The following PCDH15 variants were observed in gnomAD, a reference collection of about 807,000 sequenced individuals.
PCDH15 encodes the protein protocadherin related 15.
In PCDH15, 129 loss-of-function variants were observed where a neutral mutation model predicts 178.5. The ratio of observed to expected loss-of-function variants is 0.72; its 90% CI spans 0.63 to 0.84. PCDH15 has a LOEUF of 0.84. Ranked by LOEUF, PCDH15 falls within the 40% of genes least tolerant of loss-of-function variation. The probability of loss-of-function intolerance (pLI) is 0.00; values close to 1 mark genes in which losing one functional copy is unlikely to be tolerated. For synonymous variants in PCDH15, 800 were observed against 732.0 expected, an observed-to-expected ratio of 1.09 and a Z score of -1.50; for missense variants, 2,230 against 2,099.9, an observed-to-expected ratio of 1.06 and a Z score of -1.21.
At chr10:53,861,823 G>A (rs956145748) in intron 27 of PCDH15, among the ~76,000 whole-genome samples, 1 of 151,868 alleles carries the variant, frequency 6.6e-6, no homozygotes, top group East Asian at 1.9e-4. Context: ...CTAGCATATT[G>A]GACAACCCAA....
At chr10:53,939,054 CTATT>C (rs2085826291) in intron 24 of PCDH15, 99 bp from the exon 25 acceptor site, 1 of 1,172,262 alleles carries the variant, frequency 8.5e-7, no homozygotes, top group African/African-American at 1.5e-5. Flanking sequence ...CTAAAAATGC[CTATT>C]TATAACTAGA....
chr10:55,269,597 T>C (rs1222186257), intron 1 of PCDH15, among the ~76,000 whole-genome samples: 3 of 151,888 alleles, frequency 2.0e-5, no homozygotes, highest in Admixed American at 6.6e-5. Flanking sequence ...TCTCTACAAG[T>C]AGAACTGCAA....
intron 14 of PCDH15, among the ~76,000 whole-genome samples, chr10:54,134,643 C>T (rs1422415116): frequency 6.6e-6 from 1 of 151,242 alleles, no homozygotes; most frequent in East Asian, 2.0e-4. Context: ...GTCCCAGCTA[C>T]TTGGGAGGCT....
intron 2 of PCDH15, among the ~76,000 whole-genome samples, chr10:54,950,465 C>T (rs945216422): frequency 6.6e-6 from 1 of 152,024 alleles, no homozygotes; most frequent in Non-Finnish European, 1.5e-5. Flanking sequence ...TTTCTCTGCA[C>T]AAGCTCTCAC....
chr10:54,098,592 G>T (rs1268633045), intron 15 of PCDH15, among the ~76,000 whole-genome samples: 2 of 152,052 alleles, frequency 1.3e-5, no homozygotes, highest in African/African-American at 2.4e-5. Flanking sequence ...ATAGTGTTTG[G>T]TTTGCCTAAA....
At chr10:54,632,697 TGAA>T (rs1057018352) in intron 2 of PCDH15, among the ~76,000 whole-genome samples, 19 of 152,126 alleles carry the variant, frequency 1.2e-4, no homozygotes, top group African/African-American at 3.1e-4. Flanking sequence ...TCTTCCATTC[TGAA>T]GAAGATCATA....
chr10:55,448,994 CTTTATA>C (rs1839376180), intron 2 of PCDH15, among the ~76,000 whole-genome samples: 1 of 151,930 alleles, frequency 6.6e-6, no homozygotes, highest in Non-Finnish European at 1.5e-5. Flanking sequence ...AAATCTCATA[CTTTATA>C]TTTAATCCCA....
intron 2 of PCDH15, among the ~76,000 whole-genome samples, chr10:55,453,599 G>T (rs1393383039): frequency 1.3e-5 from 2 of 152,046 alleles, no homozygotes; most frequent in East Asian, 3.9e-4. Flanking sequence ...GGGGGTTTCG[G>T]GGGGTCAACT....
chr10:54,934,978 G>A (rs1837869104), intron 2 of PCDH15, among the ~76,000 whole-genome samples: 1 of 150,342 alleles, frequency 6.7e-6, no homozygotes, highest in Non-Finnish European at 1.5e-5. Context: ...CTATCGCAAG[G>A]ACAAAAAAAC....
At chr10:53,843,973 T>C (rs1051681549) in intron 28 of PCDH15, among the ~76,000 whole-genome samples, 2 of 152,090 alleles carry the variant, frequency 1.3e-5, no homozygotes, top group African/African-American at 2.4e-5. Context: ...AGATCATGGA[T>C]TGATAAAATT....
At chr10:54,405,621 A>C (rs1264267853) in intron 3 of PCDH15, among the ~76,000 whole-genome samples, 1 of 151,876 alleles carries the variant, frequency 6.6e-6, no homozygotes, top group Admixed American at 6.6e-5. Context: ...TAATCTGTAC[A>C]ACCAACCCCC....
intron 32 of PCDH15, among the ~76,000 whole-genome samples, chr10:53,824,782 A>G (rs1341789019): frequency 1.3e-5 from 2 of 152,102 alleles, no homozygotes; most frequent in East Asian, 1.9e-4. Flanking sequence ...GGATATAACA[A>G]TATCACATCA....
At chr10:55,087,702 T>C (rs2132032367) in intron 2 of PCDH15, among the ~76,000 whole-genome samples, 1 of 152,232 alleles carries the variant, frequency 6.6e-6, no homozygotes, top group South Asian at 2.1e-4. Context: ...GAAAAGACAG[T>C]GTGAATTTTC....
intron 3 of PCDH15, among the ~76,000 whole-genome samples, chr10:54,485,277 A>G (rs1237131049): frequency 1.3e-5 from 2 of 151,848 alleles, no homozygotes; most frequent in Non-Finnish European, 2.9e-5. Context: ...TAGAAAATCA[A>G]AGGACCCCTT....
chr10:55,083,249 T>C (rs1008511931), intron 2 of PCDH15, among the ~76,000 whole-genome samples: 1 of 151,926 alleles, frequency 6.6e-6, no homozygotes, highest in Admixed American at 6.6e-5. Context: ...TGGTTCAACA[T>C]ATGCAAATTA....
At chr10:55,319,540 G>C (rs1437500668) in intron 1 of PCDH15, 2 of 152,232 alleles carry the variant, frequency 1.3e-5, no homozygotes, top group Non-Finnish European at 2.9e-5. Flanking sequence ...CAGATCTTCA[G>C]AGGGAAGACT....
intron 32 of PCDH15, chr10:53,825,280 G>T (rs956347193): frequency 1.0e-6 from 1 of 997,628 alleles, no homozygotes. Context: ...CAAAAAAAAG[G>T]CATGTTTTTA....
chr10:55,007,040 GTCTC>G, intron 2 of PCDH15, among the ~76,000 whole-genome samples: 1 of 151,938 alleles, frequency 6.6e-6, no homozygotes, highest in Non-Finnish European at 1.5e-5. Context: ...CTCTCTCTAT[GTCTC>G]TCTCTCTTGC....
chr10:54,695,438 C>CAA (rs1419073736), intron 1 of PCDH15, among the ~76,000 whole-genome samples: 2 of 152,156 alleles, frequency 1.3e-5, no homozygotes, highest in Non-Finnish European at 2.9e-5. Flanking sequence ...ATCTCCATAA[C>CAA]ATAAAAGTGT....
Sources: gnomAD v4.1 joint callset for allele counts (sites outside exome capture counted in the v4.1 genomes callset) on GRCh38, gnomAD v4.1.1 for gene constraint, MANE v1.5 for transcripts, NCBI Gene and HGNC (gene_info 2026-07-23, HGNC 2026-07-21) for gene names.